PSORS1C1: variants seen among roughly 807,000 people sequenced by gnomAD.
PSORS1C1 encodes the protein psoriasis susceptibility 1 candidate 1, also known as psoriasis susceptibility 1 candidate gene 1 protein.
In PSORS1C1, 7 loss-of-function variants were observed where a neutral mutation model predicts 9.4. That is an observed-to-expected ratio of 0.75 (90% CI 0.42 to 1.40). The LOEUF is 1.40. PSORS1C1 is among the 40% of genes most tolerant of loss of function. The probability of loss-of-function intolerance (pLI) is 0.01; values close to 1 mark genes in which losing one functional copy is unlikely to be tolerated. For synonymous variants in PSORS1C1, 63 were observed against 69.4 expected (o/e 0.91, Z 0.46); for missense variants, 146 against 178.1 (o/e 0.82, Z 1.02).
chr6:31,127,235 T>C (rs1257970772), intron 2 of PSORS1C1, among the ~76,000 whole-genome samples: 1 of 152,114 alleles, frequency 6.6e-6, no homozygotes, highest in Non-Finnish European at 1.5e-5. Context: ...CGCCTAGGAA[T>C]GGGACTGTGG....
chr6:31,124,992 AAGTGAAGGTT>A (rs1452169156), intron 1 of PSORS1C1, among the ~76,000 whole-genome samples: 1 of 148,772 alleles, frequency 6.7e-6, no homozygotes, highest in East Asian at 2.0e-4. Flanking sequence ...AAGAATTCTT[AAGTGAAGGTT>A]ACTGGCTCAT....
chr6:31,134,625 G>A (rs560548363), intron 3 of PSORS1C1, among the ~76,000 whole-genome samples: 3 of 151,592 alleles, frequency 2.0e-5, no homozygotes, highest in African/African-American at 7.3e-5. Context: ...AGTTTTTAAT[G>A]AGAGTTACCA....
At chr6:31,117,338 T>C in intron 1 of PSORS1C1, 1 of 1,578,538 alleles carries the variant, frequency 6.3e-7, no homozygotes, top group African/African-American at 1.3e-5. Context: ...CTGGATCCGC[T>C]GGAGCTACCA....
chr6:31,130,112 AT>A (rs1378383508), intron 3 of PSORS1C1, among the ~76,000 whole-genome samples: 2 of 150,706 alleles, frequency 1.3e-5, no homozygotes, highest in African/African-American at 4.9e-5. Flanking sequence ...AAATTAATTA[AT>A]TAATTAATTT....
At chr6:31,135,187 A>G (rs3132565) in intron 3 of PSORS1C1, among the ~76,000 whole-genome samples, 86,712 of 151,882 alleles carry the variant, frequency 0.57, 25,995 homozygotes, top group African/African-American at 0.77. Flanking sequence ...ATGCTTTTCA[A>G]GGAATTGCAA....
At chr6:31,137,654 T>C in intron 3 of PSORS1C1, 2 of 343,210 alleles carry the variant, frequency 5.8e-6, no homozygotes, top group Non-Finnish European at 1.0e-5. Context: ...GCCCCAGCGA[T>C]CGCGCGGGCA....
chr6:31,120,391 C>G, intron 1 of PSORS1C1: 1 of 1,593,668 alleles, frequency 6.3e-7, no homozygotes, highest in Non-Finnish European at 8.5e-7. Context: ...ACCCACACGC[C>G]CCATCCAGGG....
At chr6:31,131,650 G>GT (rs1289059035) in intron 3 of PSORS1C1, among the ~76,000 whole-genome samples, 1 of 148,212 alleles carries the variant, frequency 6.7e-6, no homozygotes, top group Non-Finnish European at 1.5e-5. Context: ...GTTAAAATCA[G>GT]TGTTGTTAGC....
At chr6:31,129,048 A>G (rs1437188637) in intron 2 of PSORS1C1, among the ~76,000 whole-genome samples, 3 of 152,248 alleles carry the variant, frequency 2.0e-5, no homozygotes, top group African/African-American at 7.2e-5. Context: ...AGCAGGGCAG[A>G]CAACCATCTC....
In PSORS1C1 at chr6:31,139,501, C is replaced by G. The variant is rs1017927809; in HGVS notation, c.168-140C>G. On this transcript the variant is annotated intron_variant, in intron 5 of 5. Transcript: ENST00000259881. This position sits in a 1 kb window ranked among gnomAD's most constrained non-coding sequence, Gnocchi z 5.2. ...GGTGCTTTTCAAACCTGGGATGCAG[C>G]TGGGACAGTGTCAGCTACTACCCCA... 1.1e-4 allele frequency: 84 copies of G among 747,380 alleles called. No homozygotes were observed. Among genetic ancestry groups the G allele is most frequent in the Non-Finnish European group, 1.7e-4 (78 of 464,280 alleles). 46.3% of individuals were successfully genotyped at this position (747,380 alleles called of 1,614,324 possible).
Position 31,139,650 on chromosome 6 carries a change from G to A in PSORS1C1, c.177G>A (p.Gly59=). The A allele has an allele frequency of 1.2e-6, 2 of 1,611,564 alleles. No homozygotes were observed. The highest frequency in any genetic ancestry group is 1.7e-6 in the Non-Finnish European group (2 of 1,178,884). The change falls in exon 6 of 6, where the codon GGG becomes GGA. Residue 59 remains glycine, a synonymous_variant. Transcript: ENST00000259881. This position sits in a 1 kb window ranked among gnomAD's most constrained non-coding sequence, Gnocchi z 5.2. The stretch of plus-strand genomic sequence containing the variant: ...CCATGTCCTTCTTCAGGCATGCAGG[G>A]GACCTCCAAGCAATGATATCCAAGG... ...MEPANHFWHA[G]DLQAMISKEF...
rs1221574116 is a variant in PSORS1C1 at position 31,114,825 on chromosome 6, C to T, written c.-295C>T. 2.2e-6 allele frequency: 1 copy of T among 455,716 alleles called. No homozygotes were observed. Among genetic ancestry groups the T allele is most frequent in the Non-Finnish European group, 4.4e-6 (1 of 226,576 alleles). The allele number at this position is 455,716 out of a possible 1,614,324, so 28.2% of individuals were successfully genotyped here. ...GTTGTTGTGTCCCAGCCTTCCCAAGCTTCCAGGTGTCCCAGAAACCCAGGA... is the reference window on the plus strand; with the variant it reads ...GTTGTTGTGTCCCAGCCTTCCCAAGTTTCCAGGTGTCCCAGAAACCCAGGA... On this transcript the variant is annotated 5_prime_UTR_variant, in exon 1 of 6. Transcript: ENST00000259881.
intron 3 of PSORS1C1, among the ~76,000 whole-genome samples, chr6:31,133,293 G>A (rs1384951314): frequency 6.6e-6 from 1 of 152,172 alleles, no homozygotes; most frequent in Admixed American, 6.5e-5. Context: ...GTCGGGTGGG[G>A]TGCGGGAAGG....
At chr6:31,125,281 G>A (rs1181485889) in intron 1 of PSORS1C1, among the ~76,000 whole-genome samples, 3 of 151,742 alleles carry the variant, frequency 2.0e-5, no homozygotes, top group Middle Eastern at 3.4e-3. Context: ...TGGCTCCAGC[G>A]AGAGGCCGTT....
intron 3 of PSORS1C1, chr6:31,137,866 TG>T (rs1265949855): frequency 1.7e-6 from 1 of 600,792 alleles, no homozygotes; most frequent in Non-Finnish European, 2.8e-6. Context: ...CAGGCTAAAT[TG>T]GGAAGAATTC....
At chr6:31,119,145 G>A (rs1562755823) in intron 1 of PSORS1C1, among the ~76,000 whole-genome samples, 1 of 151,994 alleles carries the variant, frequency 6.6e-6, no homozygotes, top group Non-Finnish European at 1.5e-5. Flanking sequence ...TGTGCGGCCA[G>A]ATGTTTTAGA....
At chr6:31,136,390 CAA>C (rs11311116) in intron 3 of PSORS1C1, among the ~76,000 whole-genome samples, 9 of 102,672 alleles carry the variant, frequency 8.8e-5, no homozygotes, top group African/African-American at 1.4e-4. Context: ...TAATACGTCT[CAA>C]AAAAAAAAAA....
chr6:31,125,584 G>A (rs368033904), intron 1 of PSORS1C1, 92 bp from the exon 2 acceptor site: 39 of 152,418 alleles, frequency 2.6e-4, no homozygotes, highest in African/African-American at 9.4e-4. Context: ...GCTCCTATGG[G>A]ACTGGCTACA....
intron 3 of PSORS1C1, among the ~76,000 whole-genome samples, chr6:31,135,273 G>A (rs113482879): frequency 0.03 from 4,540 of 152,102 alleles, 122 homozygotes; most frequent in African/African-American, 0.069. Context: ...GTCTCACTCT[G>A]TCTCCCAGGC....
Sources: allele counts gnomAD v4.1 joint callset (sites outside exome capture counted in the v4.1 genomes callset), GRCh38; gene constraint gnomAD v4.1.1; non-coding constraint Gnocchi (gnomAD v3.1); transcripts MANE v1.5; gene names NCBI Gene and HGNC (gene_info 2026-07-23, HGNC 2026-07-21).